The following MSANTD2 variants were observed in gnomAD, a reference collection of about 807,000 sequenced individuals.
The protein encoded by MSANTD2 is myb/SANT-like DNA-binding domain-containing protein 2.
In MSANTD2, 19 loss-of-function variants were observed where a neutral mutation model predicts 52.6. The observed-to-expected ratio is 0.36, with a 90% CI of 0.25 to 0.53. The LOEUF is 0.53. Ranked by LOEUF, MSANTD2 falls within the 20% of genes least tolerant of loss-of-function variation. The pLI, the probability that MSANTD2 is intolerant of heterozygous loss-of-function variation, is 0.91. For missense variants in MSANTD2, 558 were observed against 716.3 expected (o/e 0.78, Z 2.52); for synonymous variants, 291 against 289.7 (o/e 1.00, Z -0.04).
At position 124,768,479 on chromosome 11, in the gene MSANTD2, T is replaced by C. The variant is rs149930814; in HGVS notation, c.828-451A>G. 3.4e-4 allele frequency among the ~76,000 whole-genome samples: 52 copies of C among 152,326 alleles called. No homozygotes were observed. In the East Asian group the frequency reaches 6.7e-3, roughly 20 times the overall value. The stretch of plus-strand genomic sequence containing the variant: ...CAAAATAAGGTGAAAAATGCTGTAT[T>C]TAGAAAAGTATCTGGCGTCACTTAA... On this transcript the variant is annotated intron_variant, in intron 3 of 3. Transcript: ENST00000374979.
intron 1 of MSANTD2, chr11:124,775,662 T>G (rs1944715146): frequency 6.6e-6 from 1 of 152,252 alleles, no homozygotes; most frequent in Non-Finnish European, 1.5e-5. Flanking sequence ...AATCTACTCG[T>G]CTGTTCTACC....
At chr11:124,782,420 C>A (rs900299156) in intron 1 of MSANTD2, among the ~76,000 whole-genome samples, 1 of 151,950 alleles carries the variant, frequency 6.6e-6, no homozygotes, top group African/African-American at 2.4e-5. Context: ...CCACTGCACT[C>A]CAGCTTGGGC....
In MSANTD2 at chr11:124,784,513, A is replaced by G. The variant is rs549241076; in HGVS notation, c.511-9539T>C. On this transcript the variant is annotated intron_variant, in intron 1 of 3. Coordinates refer to ENST00000374979, the MANE Select transcript of MSANTD2 (RefSeq NM_001308027.2). ...CCCCCGCCACCTCAAAAATCCGCAC[A>G]CAGCTTTACCATTACAACATCGTAT... 15 of 983,052 alleles carry G rather than the reference A, an allele frequency of 1.5e-5. No individual in the cohort carries two copies. The East Asian group carries it at 1.6e-3, about 106-fold the overall frequency. The allele number at this position is 983,052 out of a possible 1,614,324, so 60.9% of individuals were successfully genotyped here.
chr11:124,787,994 TG>T (rs1945213172), intron 1 of MSANTD2, among the ~76,000 whole-genome samples: 1 of 150,346 alleles, frequency 6.7e-6, no homozygotes, highest in Non-Finnish European at 1.5e-5. Context: ...ACCAGGAGGC[TG>T]AGGTGCAAGG....
At chr11:124,768,141 T>A in intron 3 of MSANTD2, 113 bp from the exon 4 acceptor site, 1 of 913,932 alleles carries the variant, frequency 1.1e-6, no homozygotes, top group Non-Finnish European at 1.6e-6. Flanking sequence ...TGGTGGCCAC[T>A]AGAACATGAA....
At position 124,772,812 on chromosome 11, in the gene MSANTD2, T is replaced by C. The variant is rs562031332; in HGVS notation, c.827+182A>G. Among the ~76,000 whole-genome samples the C allele has an allele frequency of 4.0e-5, 6 of 150,702 alleles. 1 individual carries two copies. The South Asian group carries it at 1.3e-3, about 32-fold the overall frequency. Reference sequence around the variant, plus strand: ...CAGTTCCTGGAATTACCAGTGATGCTATGTTTGTGATGCTTTCTAATAGCT... The same window carrying C: ...CAGTTCCTGGAATTACCAGTGATGCCATGTTTGTGATGCTTTCTAATAGCT... On this transcript the variant is annotated intron_variant, in intron 3 of 3. Coordinates refer to ENST00000374979, the MANE Select transcript of MSANTD2 (RefSeq NM_001308027.2).
At chr11:124,795,909 A>G (rs1445422826) in intron 1 of MSANTD2, among the ~76,000 whole-genome samples, 3 of 152,216 alleles carry the variant, frequency 2.0e-5, no homozygotes, top group Admixed American at 1.3e-4. Context: ...TCTGGCAAAC[A>G]AACAAAAATG....
Position 124,767,472 on chromosome 11 carries a change from A to G in MSANTD2, c.1384T>C (p.Ser462Pro). 3 of 1,614,202 alleles carry G rather than the reference A, an allele frequency of 1.9e-6. No individual in the cohort carries two copies. Among genetic ancestry groups the G allele is most frequent in the Non-Finnish European group, 1.7e-6 (2 of 1,180,028 alleles). The change falls in exon 4 of 4, where the codon TCA (serine) becomes CCA (proline). Residue 462 changes from serine to proline, a missense_variant. By Grantham distance (74) the Ser-to-Pro change is moderately conservative. Coordinates refer to ENST00000374979, the MANE Select transcript of MSANTD2 (RefSeq NM_001308027.2). This position sits in a 1 kb window ranked among gnomAD's most constrained non-coding sequence, Gnocchi z 6.5. ...VDLETLSAQA[S>P]LQVEIEPTRI... ...GTGGGTTCTATTTCCACCTGTAATG[A>G]GGCTTGTGCTGAAAGGGTTTCCAGG...
chr11:124,784,409 C>T (rs1945089675), intron 1 of MSANTD2: 1 of 985,212 alleles, frequency 1.0e-6, no homozygotes, highest in South Asian at 4.7e-5. Flanking sequence ...GAGAACCAGT[C>T]TTCGTTAAAG....
At chr11:124,793,829 T>C (rs1945409635) in intron 1 of MSANTD2, among the ~76,000 whole-genome samples, 1 of 151,992 alleles carries the variant, frequency 6.6e-6, no homozygotes, top group African/African-American at 2.4e-5. Flanking sequence ...AGATTCCTCC[T>C]ACACAGGGGT....
chr11:124,789,433 A>G (rs1178670302), intron 1 of MSANTD2: 1 of 152,236 alleles, frequency 6.6e-6, no homozygotes, highest in African/African-American at 2.4e-5. Context: ...AACTTCTACT[A>G]TTGTTATTTA....
intron 1 of MSANTD2, chr11:124,784,154 A>AG (rs1945080449): frequency 2.0e-6 from 2 of 985,002 alleles, no homozygotes; most frequent in Admixed American, 6.2e-5. Context: ...CTCACCTGAA[A>AG]GGGAAAAAAA....
rs1406793653 is a variant in MSANTD2, at chr11:124,774,303, GAAC to G, written c.766+413_766+415del. Among the ~76,000 whole-genome samples, 2 of 148,740 alleles carry G rather than the reference GAAC, an allele frequency of 1.3e-5. No homozygotes were observed. Among genetic ancestry groups the G allele is most frequent in the African/African-American group, 5.2e-5 (2 of 38,382 alleles). ...TTGGGATAAAAGAAGGAATTCCTAA[GAAC>G]AACATCTACAGCAGTTGGGCCAAGA... On this transcript the variant is annotated intron_variant, in intron 2 of 3. Coordinates refer to ENST00000374979, the MANE Select transcript of MSANTD2 (RefSeq NM_001308027.2). The surrounding 1 kb of genome is among the most constrained non-coding windows in gnomAD (Gnocchi z 5.1).
chr11:124,786,151 A>G (rs1230855250), intron 1 of MSANTD2, among the ~76,000 whole-genome samples: 1 of 134,728 alleles, frequency 7.4e-6, no homozygotes, highest in African/African-American at 2.9e-5. Context: ...GCTGGAGTGC[A>G]GTGACTATTC....
intron 1 of MSANTD2, chr11:124,789,461 T>C (rs76087149): frequency 6.6e-6 from 1 of 152,196 alleles, no homozygotes; most frequent in South Asian, 2.1e-4. Context: ...TGAAGTAATA[T>C]TTGATAGCCC....
chr11:124,785,118 A>G (rs779512796), intron 1 of MSANTD2, among the ~76,000 whole-genome samples: 7 of 152,218 alleles, frequency 4.6e-5, no homozygotes, highest in Non-Finnish European at 7.3e-5. Flanking sequence ...TAGAATTTTT[A>G]TATTCTATTC....
chr11:124,778,445 A>G (rs1944828354), intron 1 of MSANTD2, among the ~76,000 whole-genome samples: 1 of 152,214 alleles, frequency 6.6e-6, no homozygotes, highest in Admixed American at 6.5e-5. Flanking sequence ...TCCCCGGTAA[A>G]TTGACATGAT....
intron 1 of MSANTD2, among the ~76,000 whole-genome samples, chr11:124,778,410 G>C (rs1168076240): frequency 6.6e-6 from 1 of 152,212 alleles, no homozygotes; most frequent in Non-Finnish European, 1.5e-5. Flanking sequence ...ATTAGAGATT[G>C]TAATTTTCCT....
chr11:124,791,887 T>TAG, intron 1 of MSANTD2: 8 of 401,490 alleles, frequency 2.0e-5, no homozygotes, highest in South Asian at 1.7e-4. Context: ...TGCCTTCAAT[T>TAG]AGAACAGAAC....
Sources: gnomAD v4.1 joint callset for allele counts (sites outside exome capture counted in the v4.1 genomes callset) on GRCh38, gnomAD v4.1.1 for gene constraint, Gnocchi (gnomAD v3.1) non-coding constraint, MANE v1.5 for transcripts, NCBI Gene and HGNC (gene_info 2026-07-23, HGNC 2026-07-21) for gene names.